MARCHF1: variants seen among roughly 807,000 people sequenced by gnomAD.
MARCHF1 encodes membrane associated ring-CH-type finger 1.
A neutral mutation model predicts 54.2 loss-of-function variants in MARCHF1; 40 were observed. That is an observed-to-expected ratio of 0.74 (90% CI 0.57 to 0.96). MARCHF1 has a LOEUF of 0.96. MARCHF1 is among the 40% of genes least tolerant of loss of function. The pLI is 0.00. For missense variants in MARCHF1, 586 were observed against 656.5 expected (o/e 0.89, Z 1.17); for synonymous variants, 236 against 236.3 (o/e 1.00, Z 0.01).
At chr4:163,954,443 C>T (rs544043882) in intron 3 of MARCHF1, among the ~76,000 whole-genome samples, 4 of 151,988 alleles carry the variant, frequency 2.6e-5, no homozygotes, top group Middle Eastern at 3.4e-3. Flanking sequence ...TTTAGAGATG[C>T]GTAAAAACAA....
intron 3 of MARCHF1, among the ~76,000 whole-genome samples, chr4:163,948,861 T>G (rs1752074384): frequency 6.6e-6 from 1 of 152,220 alleles, no homozygotes; most frequent in Non-Finnish European, 1.5e-5. Flanking sequence ...AGACAATGAT[T>G]ACTACAACAA....
At chr4:164,266,710 A>G (rs188109754) in intron 1 of MARCHF1, among the ~76,000 whole-genome samples, 126 of 152,304 alleles carry the variant, frequency 8.3e-4, no homozygotes, top group African/African-American at 2.9e-3. Context: ...TATGAAAACA[A>G]GAGATAAATA....
intron 4 of MARCHF1, among the ~76,000 whole-genome samples, chr4:163,739,740 T>C (rs1017210877): frequency 6.6e-6 from 1 of 152,210 alleles, no homozygotes; most frequent in Non-Finnish European, 1.5e-5. Context: ...TTCTTTTATG[T>C]GCTAATTTTC....
intron 3 of MARCHF1, among the ~76,000 whole-genome samples, chr4:163,905,799 C>T (rs1751053357): frequency 6.6e-6 from 1 of 151,988 alleles, no homozygotes; most frequent in Admixed American, 6.6e-5. Context: ...TTCTTCTTCA[C>T]CTGATCTCTA....
chr4:164,183,207 T>C (rs1730878605), intron 1 of MARCHF1, among the ~76,000 whole-genome samples: 1 of 152,142 alleles, frequency 6.6e-6, no homozygotes, highest in Non-Finnish European at 1.5e-5. Flanking sequence ...ACCTCAAATC[T>C]CTATTCCCAT....
intron 3 of MARCHF1, among the ~76,000 whole-genome samples, chr4:163,890,757 C>T (rs922278581): frequency 5.3e-5 from 8 of 151,956 alleles, no homozygotes; most frequent in Non-Finnish European, 1.2e-4. Context: ...AATCTGCCTG[C>T]CTTGGCCTCC....
intron 1 of MARCHF1, among the ~76,000 whole-genome samples, chr4:164,178,489 A>G (rs1422780764): frequency 6.6e-6 from 1 of 152,152 alleles, no homozygotes; most frequent in African/African-American, 2.4e-5. Flanking sequence ...CAAGATGGAT[A>G]TAATGTATGT....
intron 2 of MARCHF1, among the ~76,000 whole-genome samples, chr4:164,014,662 A>T (rs991957721): frequency 3.9e-5 from 6 of 152,192 alleles, no homozygotes; most frequent in African/African-American, 9.7e-5. Context: ...TTCACCTATA[A>T]AAACACATAT....
At chr4:164,133,611 C>A (rs1018709785) in intron 1 of MARCHF1, among the ~76,000 whole-genome samples, 1 of 152,156 alleles carries the variant, frequency 6.6e-6, no homozygotes, top group Non-Finnish European at 1.5e-5. Flanking sequence ...TACATGAATT[C>A]TAATGACCAA....
chr4:164,366,052 AG>A (rs1730872012), intron 1 of MARCHF1, among the ~76,000 whole-genome samples: 1 of 152,028 alleles, frequency 6.6e-6, no homozygotes, highest in Non-Finnish European at 1.5e-5. Flanking sequence ...CTATTGTTAT[AG>A]TAATTTGGCT....
At chr4:163,683,020 A>C in intron 5 of MARCHF1, among the ~76,000 whole-genome samples, 1 of 152,300 alleles carries the variant, frequency 6.6e-6, no homozygotes, top group East Asian at 1.9e-4. Context: ...TATTTTGATA[A>C]TTTTTTGACA....
rs145090054 is a variant in MARCHF1, at chr4:163,569,013, C to T, written c.1191+16736G>A. Among the ~76,000 whole-genome samples the T allele has an allele frequency of 5.3e-5, 8 of 152,148 alleles. No homozygotes were observed. The East Asian group carries it at 9.6e-4, about 18-fold the overall frequency. ...TTTCTCCTCCTTCATTGAAATGGTA[C>T]GCTTTGGTGCTCCTGGTGTCAGCCA... is the stretch of plus-strand genomic sequence containing the variant. On this transcript the variant is annotated intron_variant, in intron 8 of 9. Coordinates refer to ENST00000514618, the MANE Select transcript of MARCHF1 (RefSeq NM_001394959.1).
At chr4:163,779,085 C>T (rs1747388602) in intron 4 of MARCHF1, among the ~76,000 whole-genome samples, 1 of 152,160 alleles carries the variant, frequency 6.6e-6, no homozygotes, top group African/African-American at 2.4e-5. Flanking sequence ...AGTTGGTTGC[C>T]TGCCATTATC....
chr4:163,960,483 GA>G (rs1752324860), intron 3 of MARCHF1, among the ~76,000 whole-genome samples: 1 of 151,962 alleles, frequency 6.6e-6, no homozygotes, highest in East Asian at 1.9e-4. Context: ...CCATAAAAAA[GA>G]ATGAGCTTGT....
intron 1 of MARCHF1, among the ~76,000 whole-genome samples, chr4:164,345,545 G>A (rs939285815): frequency 6.6e-6 from 1 of 150,600 alleles, no homozygotes; most frequent in East Asian, 1.9e-4. Context: ...ACTCCAGCCT[G>A]GGCAACTGAG....
intron 1 of MARCHF1, among the ~76,000 whole-genome samples, chr4:164,339,597 T>C (rs1433404103): frequency 2.6e-5 from 4 of 152,094 alleles, no homozygotes; most frequent in Admixed American, 2.6e-4. Context: ...TTTACAGGGA[T>C]AAATGCCTAC....
At chr4:164,276,151 T>A (rs1253871475) in intron 1 of MARCHF1, among the ~76,000 whole-genome samples, 2 of 152,202 alleles carry the variant, frequency 1.3e-5, no homozygotes, top group Non-Finnish European at 2.9e-5. Flanking sequence ...ACATGGAATC[T>A]GTTCCTCCTC....
At chr4:164,025,609 C>T (rs1753751090) in intron 2 of MARCHF1, among the ~76,000 whole-genome samples, 1 of 151,576 alleles carries the variant, frequency 6.6e-6, no homozygotes, top group African/African-American at 2.4e-5. Context: ...GCACTAAATG[C>T]TTTCATCAAT....
intron 2 of MARCHF1, among the ~76,000 whole-genome samples, chr4:164,089,209 T>C (rs1037849248): frequency 1.3e-5 from 2 of 152,166 alleles, no homozygotes; most frequent in Admixed American, 6.5e-5. Flanking sequence ...ACATTGAATA[T>C]TGTCATGAAA....
Sources: gnomAD v4.1 joint callset for allele counts (sites outside exome capture counted in the v4.1 genomes callset) on GRCh38, gnomAD v4.1.1 for gene constraint, MANE v1.5 for transcripts, NCBI Gene and HGNC (gene_info 2026-07-23, HGNC 2026-07-21) for gene names.